Variants in PTPRM observed in about 807,000 individuals in gnomAD.
PTPRM encodes receptor-type tyrosine-protein phosphatase mu.
PTPRM carries 47 observed loss-of-function variants against 186.7 expected under a neutral mutation model. That is an observed-to-expected ratio of 0.25 (90% CI 0.20 to 0.32). PTPRM has a LOEUF of 0.32. Ranked by LOEUF, PTPRM falls within the 10% of genes least tolerant of loss-of-function variation. The pLI is 1.00. For missense variants in PTPRM, 1,494 were observed against 1,865.0 expected (o/e 0.80, Z 3.66); for synonymous variants, 668 against 674.9 (o/e 0.99, Z 0.16).
intron 26 of PTPRM, 116 bp downstream of exon 26, chr18:8,376,713 C>A: frequency 8.0e-7 from 1 of 1,247,794 alleles, no homozygotes; most frequent in Non-Finnish European, 1.1e-6. Flanking sequence ...AAGTGATCTA[C>A]CTGGCATTCC....
At chr18:7,650,875 A>G (rs959170080) in intron 1 of PTPRM, among the ~76,000 whole-genome samples, 12 of 152,168 alleles carry the variant, frequency 7.9e-5, no homozygotes, top group African/African-American at 2.4e-4. Context: ...TAAATGGATC[A>G]TAAACTCAAT....
intron 2 of PTPRM, among the ~76,000 whole-genome samples, chr18:7,868,368 T>G (rs2047817592): frequency 6.6e-6 from 1 of 152,184 alleles, no homozygotes; most frequent in Non-Finnish European, 1.5e-5. Context: ...TTGGCCTTTG[T>G]ATGGGTTTTT....
chr18:8,198,274 G>A lies in PTPRM; in HGVS notation c.2301-45784G>A, dbSNP rs117361239. Among the ~76,000 whole-genome samples the A allele has an allele frequency of 7.1e-3, 1,078 of 152,218 alleles. 6 individuals are homozygous for A. The highest frequency in any genetic ancestry group is 0.014 in the Middle Eastern group (4 of 294). On this transcript the variant is annotated intron_variant, in intron 14 of 32. Coordinates refer to ENST00000580170, the MANE Select transcript of PTPRM (RefSeq NM_001105244.2). ...TGATCCTCCCACCTCAGCCTCCCAA[G>A]TAGCTGGGACCTACAGACGTGTACC...
chr18:7,851,654 C>A (rs1360665812), intron 2 of PTPRM, among the ~76,000 whole-genome samples: 1 of 114,110 alleles, frequency 8.8e-6, no homozygotes, highest in Non-Finnish European at 1.9e-5. Flanking sequence ...AAAAAAAAAA[C>A]TGAGGCAATT....
intron 23 of PTPRM, among the ~76,000 whole-genome samples, chr18:8,354,207 C>T (rs576135253): frequency 9.5e-5 from 7 of 73,528 alleles, no homozygotes; most frequent in East Asian, 2.6e-4. Context: ...AGTGAGATTC[C>T]GTCTTAAAAA....
chr18:7,958,141 T>C (rs1291250202), intron 7 of PTPRM, among the ~76,000 whole-genome samples: 2 of 147,856 alleles, frequency 1.4e-5, no homozygotes, highest in African/African-American at 5.0e-5. Context: ...TCAATGCAAA[T>C]GAATCTACAA....
At chr18:8,006,865 A>C (rs7234708) in intron 7 of PTPRM, among the ~76,000 whole-genome samples, 133,041 of 152,266 alleles carry the variant, frequency 0.87, 58,342 homozygotes, top group East Asian at 0.94. Context: ...AGTCATTTGA[A>C]TCCATTCGAG....
intron 14 of PTPRM, among the ~76,000 whole-genome samples, chr18:8,148,955 G>A (rs1378702891): frequency 6.6e-6 from 1 of 152,142 alleles, no homozygotes; most frequent in Admixed American, 6.5e-5. Context: ...CTGTAGTTGT[G>A]CTGATTTGAT....
chr18:7,721,255 T>A lies in PTPRM; in HGVS notation c.74-52894T>A, dbSNP rs1443528864. On this transcript the variant is annotated intron_variant, in intron 1 of 32. Transcript: ENST00000580170. ...GTTTGGCATCTTTTTATATTCTTTT[T>A]GGCCATTTGTATATCTTCTTTGGAG... is the stretch of plus-strand genomic sequence containing the variant. Among the ~76,000 whole-genome samples the A allele has an allele frequency of 9.9e-5, 15 of 152,218 alleles. No individual in the cohort carries two copies. The South Asian group carries it at 3.1e-3, about 32-fold the overall frequency.
intron 29 of PTPRM, among the ~76,000 whole-genome samples, chr18:8,382,216 A>G (rs769137670): frequency 1.3e-5 from 2 of 152,208 alleles, no homozygotes; most frequent in African/African-American, 2.4e-5. Flanking sequence ...GTTATGCACC[A>G]TTTAAGCCAT....
rs2039147746 is a variant in PTPRM, at chr18:7,668,509, GAGACAGACACA to G, written c.73+100621_73+100631del. On this transcript the variant is annotated intron_variant, in intron 1 of 32. Transcript: ENST00000580170. This position sits in a 1 kb window ranked among gnomAD's most constrained non-coding sequence, Gnocchi z 4.7. ...AGAACATTAGGCAGGTGCTCCTTTC[GAGACAGACACA>G]AGGCAGAGTGAATCATTCCTCTGCC... Among the ~76,000 whole-genome samples the G allele has an allele frequency of 1.3e-5, 2 of 152,216 alleles. No homozygotes were observed. Among genetic ancestry groups the G allele is most frequent in the South Asian group, 4.2e-4 (2 of 4,814 alleles).
chr18:8,261,417 C>G (rs1284428553), intron 19 of PTPRM, among the ~76,000 whole-genome samples: 1 of 152,082 alleles, frequency 6.6e-6, no homozygotes, highest in Non-Finnish European at 1.5e-5. Flanking sequence ...TTCTAGAACT[C>G]TGAAATTTTG....
chr18:8,199,058 C>T (rs902722181), intron 14 of PTPRM, among the ~76,000 whole-genome samples: 1 of 152,066 alleles, frequency 6.6e-6, no homozygotes, highest in Non-Finnish European at 1.5e-5. Context: ...TGCTCCATCT[C>T]GGCGGGCTCA....
intron 14 of PTPRM, among the ~76,000 whole-genome samples, chr18:8,209,750 A>ACTCATAAG (rs936009004): frequency 3.3e-5 from 5 of 152,060 alleles, no homozygotes; most frequent in Non-Finnish European, 7.4e-5. Context: ...GCAGGTTCTC[A>ACTCATAAG]CTCATAAGTG....
intron 19 of PTPRM, among the ~76,000 whole-genome samples, chr18:8,292,849 T>A (rs1241357584): frequency 2.0e-5 from 3 of 152,216 alleles, no homozygotes; most frequent in Non-Finnish European, 4.4e-5. Flanking sequence ...AGAGATAATC[T>A]TGGCATGGAA....
intron 13 of PTPRM, among the ~76,000 whole-genome samples, chr18:8,142,535 T>C (rs953076421): frequency 7.9e-5 from 12 of 151,972 alleles, no homozygotes; most frequent in Non-Finnish European, 1.8e-4. Context: ...CTCCTGGTCT[T>C]GGGGGCTCAG....
At chr18:8,148,850 G>A (rs1251830642) in intron 14 of PTPRM, among the ~76,000 whole-genome samples, 1 of 152,070 alleles carries the variant, frequency 6.6e-6, no homozygotes. Context: ...GGTACGTTGT[G>A]TCTTCATTCT....
At chr18:8,319,787 T>C (rs2095334282) in intron 22 of PTPRM, among the ~76,000 whole-genome samples, 1 of 152,136 alleles carries the variant, frequency 6.6e-6, no homozygotes, top group African/African-American at 2.4e-5. Context: ...GGAAGAGCCC[T>C]TGTGAATGGA....
chr18:8,199,821 A>G (rs1203736033), intron 14 of PTPRM, among the ~76,000 whole-genome samples: 3 of 152,132 alleles, frequency 2.0e-5, no homozygotes, highest in African/African-American at 7.2e-5. Flanking sequence ...TCCCTCCCTT[A>G]ACAAGATTCT....
Sources: allele counts gnomAD v4.1 joint callset (sites outside exome capture counted in the v4.1 genomes callset), GRCh38; gene constraint gnomAD v4.1.1; non-coding constraint Gnocchi (gnomAD v3.1); transcripts MANE v1.5; gene names NCBI Gene and HGNC (gene_info 2026-07-23, HGNC 2026-07-21).